BCL2L1: variants seen among roughly 807,000 people sequenced by gnomAD.
The protein encoded by BCL2L1 is BCL2 like 1, also known as bcl-2-like protein 1.
In BCL2L1, 1 loss-of-function variant was observed where a neutral mutation model predicts 18.7. That is an observed-to-expected ratio of 0.05 (90% confidence interval 0.02 to 0.25). The LOEUF (loss-of-function observed/expected upper bound fraction) is 0.25, where lower values mean the gene tolerates loss of function less well. Among genes scored for constraint, BCL2L1 ranks in the 10% least tolerant of loss-of-function variants. BCL2L1 has a pLI of 1.00. For synonymous variants in BCL2L1, 103 were observed against 122.7 expected (o/e 0.84, Z 1.06); for missense variants, 207 against 304.9 (o/e 0.68, Z 2.39).
chr20:31,721,622 A>G, intron 2 of BCL2L1, 33 bp downstream of exon 2: 1 of 1,550,548 alleles, frequency 6.4e-7, no homozygotes, highest in Non-Finnish European at 8.7e-7. Context: ...CAGAGGCCAA[A>G]GAAAAGGGAC....
At chr20:31,714,449 G>A (rs1309912572) in intron 2 of BCL2L1, among the ~76,000 whole-genome samples, 1 of 152,206 alleles carries the variant, frequency 6.6e-6, no homozygotes, top group Non-Finnish European at 1.5e-5. Flanking sequence ...AGAAAAAGGA[G>A]AGTGGATGCT....
intron 2 of BCL2L1, among the ~76,000 whole-genome samples, chr20:31,695,790 AT>A (rs1194284365): frequency 5.9e-5 from 9 of 152,100 alleles, no homozygotes; most frequent in African/African-American, 2.2e-4. Context: ...CTACAACACT[AT>A]TCCCCCATAT....
At chr20:31,701,802 T>C (rs2061281647) in intron 2 of BCL2L1, among the ~76,000 whole-genome samples, 1 of 152,258 alleles carries the variant, frequency 6.6e-6, no homozygotes, top group Admixed American at 6.5e-5. Context: ...GCTTCTCTTC[T>C]CTGGGCCTCA....
At chr20:31,678,201 T>C (rs12479786) in intron 2 of BCL2L1, among the ~76,000 whole-genome samples, 6,353 of 152,274 alleles carry the variant, frequency 0.042, 165 homozygotes, top group Non-Finnish European at 0.062. Context: ...AAGTGCTCCA[T>C]AGTCCAAAGC....
At chr20:31,683,312 T>C (rs2060895688) in intron 2 of BCL2L1, among the ~76,000 whole-genome samples, 1 of 152,232 alleles carries the variant, frequency 6.6e-6, no homozygotes, top group South Asian at 2.1e-4. Flanking sequence ...GTTTTTTCCA[T>C]AGACTGTTAC....
Position 31,666,067 on chromosome 20 carries a change from T to G in BCL2L1, c.584A>C (p.Tyr195Ser). The G allele has an allele frequency of 6.2e-7, 1 of 1,614,020 alleles. No homozygotes were observed. The highest frequency in any genetic ancestry group is 1.1e-5 in the South Asian group (1 of 91,076). The change falls in exon 3 of 3, where the codon TAT becomes TCT. Residue 195 changes from tyrosine (Y) to serine (S), a missense_variant. By Grantham distance (144) the Tyr-to-Ser change is moderately radical. Coordinates refer to ENST00000307677, the MANE Select transcript of BCL2L1 (RefSeq NM_138578.3). Reference protein sequence around the residue: ...NGGWDTFVELYGNNAAAESRK... With the variant: ...NGGWDTFVELSGNNAAAESRK... ...GCTCTCGGCTGCTGCATTGTTCCCA[T>G]AGAGTTCCACAAAAGTATCCTGCAG...
intron 2 of BCL2L1, among the ~76,000 whole-genome samples, chr20:31,697,514 T>G (rs923498096): frequency 1.3e-5 from 2 of 151,960 alleles, no homozygotes; most frequent in Non-Finnish European, 1.5e-5. Flanking sequence ...CTTGACTCAC[T>G]GCAACCTCCA....
chr20:31,697,892 G>GTTTTTTTTTTTTTTTTTTTTTTGTTT (rs199575410), intron 2 of BCL2L1, among the ~76,000 whole-genome samples: 10 of 129,636 alleles, frequency 7.7e-5, no homozygotes, highest in African/African-American at 3.3e-4. Flanking sequence ...TGCTGTTGCT[G>GTTTTTTTTTTTTTTTTTTTTTTGTTT]TTTTTTTTTT....
intron 2 of BCL2L1, among the ~76,000 whole-genome samples, chr20:31,673,901 G>A (rs1055194862): frequency 6.6e-6 from 1 of 152,150 alleles, no homozygotes; most frequent in African/African-American, 2.4e-5. Flanking sequence ...GCTATACTTG[G>A]AACACAGCAG....
At chr20:31,678,074 C>G (rs1260049376) in intron 2 of BCL2L1, among the ~76,000 whole-genome samples, 3 of 152,202 alleles carry the variant, frequency 2.0e-5, no homozygotes, top group African/African-American at 7.2e-5. Context: ...GGAAAGGGGA[C>G]AGGAAGCTTA....
chr20:31,698,663 C>T (rs748571688), intron 2 of BCL2L1, among the ~76,000 whole-genome samples: 27 of 152,020 alleles, frequency 1.8e-4, no homozygotes, highest in African/African-American at 5.6e-4. Flanking sequence ...CTCAGCCTCC[C>T]GAGTAGCTGG....
chr20:31,696,881 C>T (rs113313354), intron 2 of BCL2L1, among the ~76,000 whole-genome samples: 5,062 of 152,022 alleles, frequency 0.033, 114 homozygotes, highest in Non-Finnish European at 0.045. Context: ...CGTGGTCAAA[C>T]TCTGTCTCTA....
At chr20:31,697,894 T>TTTTTTTTTTTTTGTTTGTTTGTTTG (rs1287465716) in intron 2 of BCL2L1, among the ~76,000 whole-genome samples, 2 of 147,222 alleles carry the variant, frequency 1.4e-5, no homozygotes, top group African/African-American at 5.2e-5. Flanking sequence ...CTGTTGCTGT[T>TTTTTTTTTTTTTGTTTGTTTGTTTG]TTTTTTTTTT....
chr20:31,670,021 A>G (rs945829561), intron 2 of BCL2L1, among the ~76,000 whole-genome samples: 1 of 152,164 alleles, frequency 6.6e-6, no homozygotes. Context: ...GCCTAGCTTC[A>G]AAGGGAGGGC....
At chr20:31,720,664 C>G in intron 2 of BCL2L1, 2 of 982,404 alleles carry the variant, frequency 2.0e-6, no homozygotes, top group Non-Finnish European at 1.2e-6. Context: ...CACTGTAAGG[C>G]AAGGAGAGCT....
intron 2 of BCL2L1, among the ~76,000 whole-genome samples, chr20:31,696,409 G>C (rs966084125): frequency 6.6e-6 from 1 of 152,092 alleles, no homozygotes; most frequent in East Asian, 1.9e-4. Flanking sequence ...TCATCTACTT[G>C]TGCCTGCACC....
At chr20:31,711,568 T>C (rs1487706281) in intron 2 of BCL2L1, among the ~76,000 whole-genome samples, 7 of 152,228 alleles carry the variant, frequency 4.6e-5, no homozygotes, top group Non-Finnish European at 1.0e-4. Flanking sequence ...CACTAGCATT[T>C]AGCACATTAC....
At chr20:31,719,419 G>C (rs34840692) in intron 2 of BCL2L1, among the ~76,000 whole-genome samples, 2,029 of 152,206 alleles carry the variant, frequency 0.013, 37 homozygotes, top group African/African-American at 0.047. Flanking sequence ...GTGCAGCTTG[G>C]AACAGGATAA....
At chr20:31,721,061 A>G (rs533658725) in intron 2 of BCL2L1, 124 of 800,434 alleles carry the variant, frequency 1.5e-4, no homozygotes, top group Non-Finnish European at 4.5e-5. Flanking sequence ...CACAGCCTAC[A>G]CTGCCCCAAA....
Sources: gnomAD v4.1 joint callset for allele counts (sites outside exome capture counted in the v4.1 genomes callset) on GRCh38, gnomAD v4.1.1 for gene constraint, MANE v1.5 for transcripts, NCBI Gene and HGNC (gene_info 2026-07-23, HGNC 2026-07-21) for gene names.